Variants in ZNRF3 observed in about 807,000 individuals in gnomAD.
The protein encoded by ZNRF3 is zinc and ring finger 3.
ZNRF3 carries 23 observed loss-of-function variants against 72.5 expected under a neutral mutation model. The observed-to-expected ratio is 0.32, with a 90% CI of 0.23 to 0.45. The LOEUF is 0.45. Ranked by LOEUF, ZNRF3 falls within the 20% of genes least tolerant of loss-of-function variation. ZNRF3 has a pLI of 1.00. For synonymous variants in ZNRF3, 610 were observed against 545.3 expected, an observed-to-expected ratio of 1.12 and a Z score of -1.65; for missense variants, 1,169 against 1,272.1, an observed-to-expected ratio of 0.92 and a Z score of 1.23.
chr22:28,989,704 T>C (rs1317706781), intron 2 of ZNRF3, among the ~76,000 whole-genome samples: 6 of 152,302 alleles, frequency 3.9e-5, no homozygotes, highest in Middle Eastern at 6.8e-3. Flanking sequence ...CTCTGTCCGC[T>C]GCAGGCGGGC....
intron 1 of ZNRF3, among the ~76,000 whole-genome samples, chr22:28,968,566 G>A (rs867399486): frequency 7.2e-5 from 11 of 152,048 alleles, no homozygotes; most frequent in Admixed American, 1.3e-4. Context: ...AAAATTAGCC[G>A]GGCATGGTGG....
chr22:28,919,043 G>A (rs1368429261), intron 1 of ZNRF3, among the ~76,000 whole-genome samples: 4 of 152,200 alleles, frequency 2.6e-5, no homozygotes, highest in East Asian at 1.9e-4. Flanking sequence ...GAAATGAGAC[G>A]GAACAAAGCT....
At chr22:29,015,279 A>G (rs6005956) in intron 2 of ZNRF3, among the ~76,000 whole-genome samples, 66,966 of 152,114 alleles carry the variant, frequency 0.44, 15,253 homozygotes, top group Non-Finnish European at 0.5. Flanking sequence ...ATAATTGCCT[A>G]TAACTTACCA....
intron 1 of ZNRF3, among the ~76,000 whole-genome samples, chr22:28,963,215 C>T (rs2123805137): frequency 6.6e-6 from 1 of 152,312 alleles, no homozygotes; most frequent in African/African-American, 2.4e-5. Flanking sequence ...ACACAGAGTG[C>T]ATGAAAGCAG....
chr22:29,026,401 C>T (rs2036637993), intron 2 of ZNRF3: 1 of 152,168 alleles, frequency 6.6e-6, no homozygotes, highest in Non-Finnish European at 1.5e-5. Context: ...CATACAAGTT[C>T]TGTGACTTGG....
rs1409653867 is a variant in ZNRF3, at chr22:28,987,009, TA to T, written c.301-66del. ...ACTTTTGGCTATAGCATCTGAGAAA[TA>T]CACAATATGAGTCAAGCAAATGTGT... On this transcript the variant is annotated intron_variant, in intron 1 of 8. Transcript: ENST00000544604. 3.9e-6 allele frequency: 6 copies of T among 1,541,278 alleles called. No individual in the cohort carries two copies. In the African/African-American group the frequency reaches 5.5e-5, roughly 14 times the overall value.
chr22:29,019,070 G>T (rs564367058), intron 2 of ZNRF3, among the ~76,000 whole-genome samples: 1 of 151,696 alleles, frequency 6.6e-6, no homozygotes, highest in African/African-American at 2.4e-5. Context: ...TCATCCAGTA[G>T]ACTAGCCCAG....
intron 2 of ZNRF3, 25 bp downstream of exon 2, chr22:28,987,226 CTG>C (rs1311525648): frequency 2.5e-6 from 4 of 1,595,678 alleles, no homozygotes; most frequent in Non-Finnish European, 2.6e-6. Flanking sequence ...CTTGGAATCA[CTG>C]TGTTTCTGGT....
chr22:29,046,743 G>A lies in ZNRF3; in HGVS notation c.772G>A (p.Ala258Thr). 6.2e-7 allele frequency: 1 copy of A among 1,609,668 alleles called. No homozygotes were observed. The highest frequency in any genetic ancestry group is 8.5e-7 in the Non-Finnish European group (1 of 1,177,822). The change falls in exon 6 of 9, where the codon GCT (alanine) becomes ACT (threonine). Residue 258 changes from alanine (A) to threonine (T), a missense_variant. Around this residue, in one of 2 missense-constraint regions of ZNRF3, gnomAD observed 386 missense variants for 540.7 expected, o/e 0.71. Transcript: ENST00000544604. Reference protein sequence around the residue: ...QNSMNRLAVQALEKMETRKFN... With the variant: ...QNSMNRLAVQTLEKMETRKFN... ...TTCCATGAACAGGCTGGCTGTGCAGGCTCTAGAGAAGATGGAAACCAGAAA... is the reference window on the plus strand; with the variant it reads ...TTCCATGAACAGGCTGGCTGTGCAGACTCTAGAGAAGATGGAAACCAGAAA...
At chr22:29,033,761 A>C (rs1214615420) in intron 2 of ZNRF3, among the ~76,000 whole-genome samples, 1 of 151,948 alleles carries the variant, frequency 6.6e-6, no homozygotes, top group East Asian at 1.9e-4. Flanking sequence ...TGGGTGGAGG[A>C]ATGGGGGAGA....
intron 2 of ZNRF3, among the ~76,000 whole-genome samples, chr22:29,033,125 G>T (rs985616051): frequency 1.3e-5 from 2 of 152,178 alleles, no homozygotes; most frequent in East Asian, 3.9e-4. Flanking sequence ...CAAGGAGGGT[G>T]GATCACCTGA....
intron 1 of ZNRF3, among the ~76,000 whole-genome samples, chr22:28,890,808 A>G (rs886759857): frequency 6.6e-6 from 1 of 151,342 alleles, no homozygotes; most frequent in African/African-American, 2.4e-5. Flanking sequence ...CCCAGGCTAG[A>G]GCACAGTGGT....
chr22:28,890,969 C>T (rs1032116725), intron 1 of ZNRF3, among the ~76,000 whole-genome samples: 1 of 152,024 alleles, frequency 6.6e-6, no homozygotes, highest in African/African-American at 2.4e-5. Context: ...GTTGCCTAGG[C>T]CGGTCTTGCA....
At chr22:28,905,763 G>A (rs2034195309) in intron 1 of ZNRF3, among the ~76,000 whole-genome samples, 1 of 152,160 alleles carries the variant, frequency 6.6e-6, no homozygotes, top group Non-Finnish European at 1.5e-5. Context: ...GGTCTCATAG[G>A]TGGTTGATGA....
intron 5 of ZNRF3, among the ~76,000 whole-genome samples, chr22:29,045,318 A>C (rs1347225378): frequency 1.4e-5 from 2 of 147,490 alleles, no homozygotes; most frequent in Non-Finnish European, 3.0e-5. Flanking sequence ...CTATGATCAC[A>C]CCACTGCATT....
At position 29,048,556 on chromosome 22, in the gene ZNRF3, C is replaced by A; in HGVS notation, c.1015+65C>A. ...TGCCTAGCTAGAGTGTGACACACAC[C>A]GCAGGCTTGGGAACACTCAGAACCA... On this transcript the variant is annotated intron_variant, in intron 7 of 8. Coordinates refer to ENST00000544604, the MANE Select transcript of ZNRF3 (RefSeq NM_001206998.2). This position sits in a 1 kb window ranked among gnomAD's most constrained non-coding sequence, Gnocchi z 4.9. 6.6e-7 allele frequency: 1 copy of A among 1,522,918 alleles called. No individual in the cohort carries two copies. Among genetic ancestry groups the A allele is most frequent in the Non-Finnish European group, 9.1e-7 (1 of 1,100,038 alleles). The allele number at this position is 1,522,918 out of a possible 1,614,324, so 94.3% of individuals were successfully genotyped here. A position where few individuals can be genotyped will look rare whatever the true frequency, so the allele number is the denominator to read the frequency against.
intron 1 of ZNRF3, among the ~76,000 whole-genome samples, chr22:28,932,136 G>C (rs936402490): frequency 3.9e-5 from 6 of 152,200 alleles, no homozygotes; most frequent in Non-Finnish European, 5.9e-5. Context: ...CACACCTGTG[G>C]TCATCATTGA....
rs368298573 is a variant in ZNRF3 at position 29,050,873 on chromosome 22, G to A, written c.2692G>A (p.Gly898Ser). Residue 898 changes from glycine (G) to serine (S), a missense_variant, in exon 8 of 9, where the codon GGT becomes AGT. By Grantham distance (56) the Gly-to-Ser change is moderately conservative. Around this residue, in one of 2 missense-constraint regions of ZNRF3, gnomAD observed 783 missense variants for 731.4 expected, o/e 1.07. Transcript: ENST00000544604. ...GCCTGGCTGCCCTCCGGAGGAGGCGGGTGCTGTCAGGGCCAACTTCCCTAG... is the reference window on the plus strand; with the variant it reads ...GCCTGGCTGCCCTCCGGAGGAGGCGAGTGCTGTCAGGGCCAACTTCCCTAG... The part of the protein sequence containing the change: ...LRPGCPPEEA[G>S]AVRANFPSAL... 5.0e-6 allele frequency: 8 copies of A among 1,592,212 alleles called. No homozygotes were observed. The African/African-American group carries it at 5.4e-5, about 11-fold the overall frequency.
intron 2 of ZNRF3, among the ~76,000 whole-genome samples, chr22:29,007,425 C>T (rs1419153815): frequency 6.6e-6 from 1 of 152,124 alleles, no homozygotes; most frequent in Non-Finnish European, 1.5e-5. Context: ...TCGCTTAAGG[C>T]CAGGAGTTCA....
Sources: gnomAD v4.1 joint callset for allele counts (sites outside exome capture counted in the v4.1 genomes callset) on GRCh38, gnomAD v4.1.1 for gene constraint, gnomAD v4.1.1 regional missense constraint, Gnocchi (gnomAD v3.1) non-coding constraint, MANE v1.5 for transcripts, NCBI Gene and HGNC (gene_info 2026-07-23, HGNC 2026-07-21) for gene names.